Variants in PRKAA1 observed in about 807,000 individuals in gnomAD.
PRKAA1 encodes 5'-AMP-activated protein kinase catalytic subunit alpha-1.
In PRKAA1, 23 loss-of-function variants were observed where a neutral mutation model predicts 56.9. The ratio of observed to expected loss-of-function variants is 0.40; its 90% confidence interval spans 0.29 to 0.57. The LOEUF (loss-of-function observed/expected upper bound fraction) is 0.57, where lower values mean the gene tolerates loss of function less well. Among genes scored for constraint, PRKAA1 ranks in the 20% least tolerant of loss-of-function variants. The pLI is 0.39. For synonymous variants in PRKAA1, 226 were observed against 227.0 expected, an observed-to-expected ratio of 1.00 and a Z score of 0.04; for missense variants, 413 against 679.7, an observed-to-expected ratio of 0.61 and a Z score of 4.36.
intron 1 of PRKAA1, among the ~76,000 whole-genome samples, chr5:40,785,110 G>A (rs1744412976): frequency 6.6e-6 from 1 of 152,144 alleles, no homozygotes; most frequent in African/African-American, 2.4e-5. Context: ...TTGAGTACCA[G>A]CACCTACTAT....
rs548530546 is a variant in PRKAA1 at position 40,772,562 on chromosome 5, T to TA, written c.364-700dup. Among the ~76,000 whole-genome samples, 953 of 149,172 alleles carry TA rather than the reference T, an allele frequency of 6.4e-3. 13 individuals are homozygous for TA. Among genetic ancestry groups the TA allele is most frequent in the African/African-American group, 0.022 (878 of 40,812 alleles). On this transcript the variant is annotated intron_variant, in intron 3 of 8. Coordinates refer to ENST00000397128, the MANE Select transcript of PRKAA1 (RefSeq NM_006251.6). Reference sequence around the variant, plus strand: ...AGCATTTTATCTTTAATATGCTTGCTAAAAAAAAAATCTTACATAGCAACT... The same window carrying TA: ...AGCATTTTATCTTTAATATGCTTGCTAAAAAAAAAAATCTTACATAGCAACT...
intron 1 of PRKAA1, among the ~76,000 whole-genome samples, chr5:40,788,569 C>G (rs534396400): frequency 1.3e-5 from 2 of 152,216 alleles, no homozygotes; most frequent in Admixed American, 1.3e-4. Context: ...ACAGGCCAGA[C>G]GCGTAATCCC....
chr5:40,788,751 C>T (rs931486370), intron 1 of PRKAA1, among the ~76,000 whole-genome samples: 3 of 151,918 alleles, frequency 2.0e-5, no homozygotes, highest in Admixed American at 6.6e-5. Flanking sequence ...CGCTTGAACC[C>T]GGGAGGCGGA....
chr5:40,787,368 G>A (rs4957351), intron 1 of PRKAA1, among the ~76,000 whole-genome samples: 102,150 of 151,202 alleles, frequency 0.68, 34,699 homozygotes, highest in East Asian at 0.77. Context: ...ACGAGGCTGA[G>A]GCAGGAGAAT....
chr5:40,798,191 G>C lies in PRKAA1; in HGVS notation c.-2C>G. 6.5e-7 allele frequency: 1 copy of C among 1,535,628 alleles called. No homozygotes were observed. Among genetic ancestry groups the C allele is most frequent in the Non-Finnish European group, 8.8e-7 (1 of 1,141,196 alleles). ...TCTCCAGGAACTGAGTCTGCGCATG[G>C]CGCTGCGGGAGGGGGCGGAGGGGGC... On this transcript the variant is annotated 5_prime_UTR_variant, in exon 1 of 9. Coordinates refer to ENST00000397128, the MANE Select transcript of PRKAA1 (RefSeq NM_006251.6).
chr5:40,777,571 A>G lies in PRKAA1; in HGVS notation c.143T>C (p.Leu48Ser). 1 of 1,609,672 alleles carries G rather than the reference A, an allele frequency of 6.2e-7. No individual in the cohort carries two copies. The highest frequency in any genetic ancestry group is 8.5e-7 in the Non-Finnish European group (1 of 1,177,678). Residue 48 changes from leucine to serine, a missense_variant, in exon 2 of 9, where the codon TTG becomes TCG. By Grantham distance (145) the Leu-to-Ser change is moderately radical. Transcript: ENST00000397128. The stretch of plus-strand genomic sequence containing the variant: ...CTTCACAGCTACTTTATGCCCAGTC[A>G]ATTCATGTTTGCCAACTGTAAAAGA... ...FGKVKVGKHELTGHKVAVKIL... is the reference protein window; with the variant it reads ...FGKVKVGKHESTGHKVAVKIL...
In PRKAA1 at chr5:40,760,121, T is replaced by A. The variant is rs984008497; in HGVS notation, c.*2657A>T. On this transcript the variant is annotated 3_prime_UTR_variant, in exon 9 of 9. Coordinates refer to ENST00000397128, the MANE Select transcript of PRKAA1 (RefSeq NM_006251.6). ...ATAATAAAAAAAGATTAAAAATCATTTGCATTGCCTCCCTTACCTCTTCAA... is the reference window on the plus strand; with the variant it reads ...ATAATAAAAAAAGATTAAAAATCATATGCATTGCCTCCCTTACCTCTTCAA... 5.2e-5 allele frequency: 8 copies of A among 152,726 alleles called. No individual in the cohort carries two copies. The highest frequency in any genetic ancestry group is 1.7e-4 in the African/African-American group (7 of 41,444). 9.5% of individuals were successfully genotyped at this position (152,726 alleles called of 1,614,324 possible). A position where few individuals can be genotyped will look rare whatever the true frequency, so the allele number is the denominator to read the frequency against.
At chr5:40,775,801 G>A (rs1743974417) in intron 2 of PRKAA1, among the ~76,000 whole-genome samples, 1 of 152,196 alleles carries the variant, frequency 6.6e-6, no homozygotes, top group Admixed American at 6.5e-5. Context: ...CATTTGAGCT[G>A]AGCCTAAAAG....
intron 1 of PRKAA1, among the ~76,000 whole-genome samples, chr5:40,795,288 T>C (rs1179141715): frequency 2.0e-5 from 3 of 152,048 alleles, no homozygotes; most frequent in Non-Finnish European, 2.9e-5. Context: ...TATGATGCAA[T>C]GTATACTGCT....
intron 4 of PRKAA1, among the ~76,000 whole-genome samples, chr5:40,771,343 A>C (rs1386905559): frequency 6.6e-6 from 1 of 152,186 alleles, no homozygotes; most frequent in African/African-American, 2.4e-5. Context: ...TTGTCTCTAC[A>C]AAAAGACAAA....
chr5:40,773,239 G>A (rs931620607), intron 3 of PRKAA1, among the ~76,000 whole-genome samples: 2 of 151,942 alleles, frequency 1.3e-5, no homozygotes, highest in East Asian at 3.9e-4. Context: ...TAATCCTTTA[G>A]CATTCTAATA....
chr5:40,789,862 A>T (rs1744644073), intron 1 of PRKAA1, among the ~76,000 whole-genome samples: 1 of 152,258 alleles, frequency 6.6e-6, no homozygotes, highest in Non-Finnish European at 1.5e-5. Flanking sequence ...CAGAATGTAT[A>T]CATGTATCAA....
chr5:40,797,755 C>A (rs1290939400), intron 1 of PRKAA1, among the ~76,000 whole-genome samples: 1 of 152,172 alleles, frequency 6.6e-6, no homozygotes, highest in African/African-American at 2.4e-5. Context: ...GCGCGCCGCG[C>A]CGCCCGCCTG....
In PRKAA1 at chr5:40,798,186, G is replaced by C. The variant is rs1033125825; in HGVS notation, c.4C>G (p.Arg2Gly). 6.5e-7 allele frequency: 1 copy of C among 1,536,022 alleles called. No homozygotes were observed. The highest frequency in any genetic ancestry group is 8.8e-7 in the Non-Finnish European group (1 of 1,139,638). Reference protein sequence around the residue: MRRLSSWRKMAT... With the variant: MGRLSSWRKMAT... Reference sequence around the variant, plus strand: ...ATCTTTCTCCAGGAACTGAGTCTGCGCATGGCGCTGCGGGAGGGGGCGGAG... The same window carrying C: ...ATCTTTCTCCAGGAACTGAGTCTGCCCATGGCGCTGCGGGAGGGGGCGGAG... Residue 2 changes from arginine to glycine, a missense_variant, in exon 1 of 9, where the codon CGC becomes GGC. Physicochemically the swap from Arg to Gly is moderately radical, Grantham distance 125. This residue lies in a region of PRKAA1 where 61 missense variants were observed against 73.1 expected (regional missense o/e 0.83). Transcript: ENST00000397128.
chr5:40,767,379 T>C (rs1743510920), intron 6 of PRKAA1, 87 bp downstream of exon 6: 1 of 1,078,840 alleles, frequency 9.3e-7, no homozygotes, highest in Non-Finnish European at 1.4e-6. Context: ...GATTACACTG[T>C]ATATTCTGTT....
rs1391091680 is a variant in PRKAA1 at position 40,760,220 on chromosome 5, T to C, written c.*2558A>G. On this transcript the variant is annotated 3_prime_UTR_variant, in exon 9 of 9. Transcript: ENST00000397128. Reference sequence around the variant, plus strand: ...CAACCTTGACACACTTAACCAAAGGTTGTCATTTCAAATATCCTAGCTTAA... The same window carrying C: ...CAACCTTGACACACTTAACCAAAGGCTGTCATTTCAAATATCCTAGCTTAA... 3.9e-5 allele frequency: 6 copies of C among 152,684 alleles called. No homozygotes were observed. Among genetic ancestry groups the C allele is most frequent in the African/African-American group, 1.4e-4 (6 of 41,418 alleles). 9.5% of individuals were successfully genotyped at this position (152,684 alleles called of 1,614,324 possible).
intron 1 of PRKAA1, among the ~76,000 whole-genome samples, chr5:40,794,101 C>CAA (rs34697780): frequency 6.6e-4 from 92 of 139,588 alleles, no homozygotes; most frequent in African/African-American, 1.2e-3. Context: ...AAACTGTCTC[C>CAA]AAAAAAAAAA....
chr5:40,794,292 T>C lies in PRKAA1; in HGVS notation c.127+3771A>G, dbSNP rs144440922. Among the ~76,000 whole-genome samples the C allele has an allele frequency of 2.8e-3, 432 of 152,352 alleles. 4 individuals are homozygous for C. The highest frequency in any genetic ancestry group is 9.9e-3 in the African/African-American group (413 of 41,572). Reference sequence around the variant, plus strand: ...TTGCTGGCCATTTGTATATCTTCTTTTGAGAACTGTCTATTCATATCCTTA... The same window carrying C: ...TTGCTGGCCATTTGTATATCTTCTTCTGAGAACTGTCTATTCATATCCTTA... On this transcript the variant is annotated intron_variant, in intron 1 of 8. Coordinates refer to ENST00000397128, the MANE Select transcript of PRKAA1 (RefSeq NM_006251.6).
intron 1 of PRKAA1, among the ~76,000 whole-genome samples, chr5:40,779,894 C>CAA (rs376686448): frequency 6.9e-6 from 1 of 144,558 alleles, no homozygotes; most frequent in Admixed American, 7.4e-5. Context: ...GTCAAATATG[C>CAA]AAAAAAAAAG....
Sources: allele counts gnomAD v4.1 joint callset (sites outside exome capture counted in the v4.1 genomes callset), GRCh38; gene constraint gnomAD v4.1.1; regional missense constraint gnomAD v4.1.1; transcripts MANE v1.5; gene names NCBI Gene and HGNC (gene_info 2026-07-23, HGNC 2026-07-21).